Variants in DRC3 observed in about 807,000 individuals in gnomAD.
DRC3 encodes dynein regulatory complex subunit 3.
DRC3 carries 45 observed loss-of-function variants against 57.6 expected under a neutral mutation model. The ratio of observed to expected loss-of-function variants is 0.78; its 90% CI spans 0.62 to 1.00. The LOEUF is 1.00. Among genes scored for constraint, DRC3 ranks in the 50% least tolerant of loss-of-function variants. The pLI is 0.00. For missense variants in DRC3, 655 were observed against 675.2 expected, an observed-to-expected ratio of 0.97 and a Z score of 0.33; for synonymous variants, 257 against 272.3, an observed-to-expected ratio of 0.94 and a Z score of 0.55.
intron 2 of DRC3, chr17:17,977,301 C>G (rs910912884): frequency 8.7e-5 from 35 of 404,526 alleles, no homozygotes; most frequent in African/African-American, 6.9e-4. Flanking sequence ...CTAGGGAGAC[C>G]AGTGTGGACA....
chr17:17,992,764 G>T lies in DRC3; in HGVS notation c.445-1G>T, dbSNP rs1288813025. On this transcript the variant is annotated splice_acceptor_variant, in intron 5 of 13. Coordinates refer to ENST00000399187, the MANE Select transcript of DRC3 (RefSeq NM_031294.4). LOFTEE classifies it high-confidence loss of function. ...GGGCCTTTCTCCCTTTTTCTCCCCA[G>T]ATCATCTACCTCCGGCGGTTCAAGT... 1 of 1,612,574 alleles carries T rather than the reference G, an allele frequency of 6.2e-7. No individual in the cohort carries two copies. The highest frequency in any genetic ancestry group is 8.5e-7 in the Non-Finnish European group (1 of 1,179,384).
Position 17,992,752 on chromosome 17 carries a change from T to A in DRC3, c.445-13T>A. 6.2e-7 allele frequency: 1 copy of A among 1,607,694 alleles called. No homozygotes were observed. Among genetic ancestry groups the A allele is most frequent in the South Asian group, 1.1e-5 (1 of 90,356 alleles). On this transcript the variant is annotated splice_polypyrimidine_tract_variant and intron_variant, in intron 5 of 13. Transcript: ENST00000399187. ...AGCCAAGAAAATGGGCCTTTCTCCC[T>A]TTTTCTCCCCAGATCATCTACCTCC... is the stretch of plus-strand genomic sequence containing the variant.
intron 4 of DRC3, among the ~76,000 whole-genome samples, chr17:17,984,624 A>G (rs544222344): frequency 9.2e-5 from 14 of 152,210 alleles, no homozygotes; most frequent in Middle Eastern, 3.4e-3. Context: ...TTTTAATCCT[A>G]AGAGTTGGGC....
chr17:17,977,674 G>T lies in DRC3; in HGVS notation c.76G>T (p.Gly26Cys). 6.2e-7 allele frequency: 1 copy of T among 1,613,906 alleles called. No homozygotes were observed. The highest frequency in any genetic ancestry group is 8.5e-7 in the Non-Finnish European group (1 of 1,179,854). ...DMLKLAVGDQ[G>C]PQEEAGQLAK... ...GCTCAAGCTGGCCGTCGGGGACCAGGGCCCCCAGGAGGAGGCCGGGCAGCT... is the reference window on the plus strand; with the variant it reads ...GCTCAAGCTGGCCGTCGGGGACCAGTGCCCCCAGGAGGAGGCCGGGCAGCT... Residue 26 changes from glycine to cysteine, a missense_variant, in exon 3 of 14, where the codon GGC (glycine) becomes TGC (cysteine). Gly to Cys is a radical substitution (Grantham distance 159). Transcript: ENST00000399187.
At chr17:18,012,931 C>T (rs1277082670) in intron 12 of DRC3, among the ~76,000 whole-genome samples, 7 of 152,056 alleles carry the variant, frequency 4.6e-5, no homozygotes, top group Non-Finnish European at 7.4e-5. Context: ...TATTAATATC[C>T]AGAATATACA....
At chr17:17,983,631 C>T (rs972624330) in intron 3 of DRC3, among the ~76,000 whole-genome samples, 197 bp from the exon 4 acceptor site, 1 of 152,118 alleles carries the variant, frequency 6.6e-6, no homozygotes, top group Non-Finnish European at 1.5e-5. Context: ...CTCTGGGTGG[C>T]AGTACCGATC....
chr17:17,994,066 G>A (rs1216336094), intron 6 of DRC3: 6 of 472,466 alleles, frequency 1.3e-5, no homozygotes, highest in Middle Eastern at 6.4e-4. Context: ...GCTGCCTTCC[G>A]CTCCTCCTGG....
At chr17:18,015,419 A>G (rs2044322921) in intron 12 of DRC3, 1 of 152,378 alleles carries the variant, frequency 6.6e-6, no homozygotes, top group Admixed American at 6.5e-5. Flanking sequence ...ACTCCATTTC[A>G]ACCATCCCAG....
At chr17:18,002,661 G>A (rs112331475) in intron 9 of DRC3, among the ~76,000 whole-genome samples, 2,427 of 152,206 alleles carry the variant, frequency 0.016, 63 homozygotes, top group African/African-American at 0.056. Context: ...TCCGGTAGCC[G>A]AGCTCCACTG....
At chr17:17,994,173 A>G in intron 6 of DRC3, 126 bp from the exon 7 acceptor site, 1 of 1,292,242 alleles carries the variant, frequency 7.7e-7, no homozygotes, top group South Asian at 1.5e-5. Flanking sequence ...CACAGCCTTC[A>G]TGCAGGCCCC....
At chr17:18,004,213 G>A (rs921538710) in intron 9 of DRC3, 150 bp from the exon 10 acceptor site, 2 of 808,016 alleles carry the variant, frequency 2.5e-6, no homozygotes, top group South Asian at 1.7e-5. Flanking sequence ...GCTTCTACAC[G>A]CTTTCAGAGC....
Position 17,994,436 on chromosome 17 carries a change from T to G in DRC3, c.711+18T>G, listed in dbSNP as rs2043369589. 1 of 1,550,076 alleles carries G rather than the reference T, an allele frequency of 6.5e-7. No individual in the cohort carries two copies. On this transcript the variant is annotated intron_variant, in intron 7 of 13. Transcript: ENST00000399187. ...AGCACAAGGTACCGTTCCGGCAGGC[T>G]GCACGCCCTCGGCCCCCTCAGATGC... is the stretch of plus-strand genomic sequence containing the variant.
chr17:18,000,847 GC>G, intron 9 of DRC3, among the ~76,000 whole-genome samples: 2 of 151,924 alleles, frequency 1.3e-5, no homozygotes. Flanking sequence ...CTTATATTTT[GC>G]CCTTGCCCAC....
At chr17:17,990,376 CT>C (rs1312470131) in intron 5 of DRC3, among the ~76,000 whole-genome samples, 1 of 152,248 alleles carries the variant, frequency 6.6e-6, no homozygotes, top group African/African-American at 2.4e-5. Flanking sequence ...GAATCAGCCC[CT>C]GACCTTGTCT....
chr17:18,016,448 A>C, intron 13 of DRC3, 110 bp from the exon 14 acceptor site: 1 of 838,714 alleles, frequency 1.2e-6, no homozygotes, highest in South Asian at 1.7e-5. Flanking sequence ...GAAGCAAATG[A>C]GGTTTGCAGA....
intron 12 of DRC3, among the ~76,000 whole-genome samples, chr17:18,012,803 G>A (rs1324851877): frequency 6.6e-6 from 1 of 151,866 alleles, no homozygotes; most frequent in African/African-American, 2.4e-5. Context: ...GACAACAAAA[G>A]CAAAAATAAA....
intron 11 of DRC3, 162 bp from the exon 12 acceptor site, chr17:18,006,862 G>A: frequency 8.9e-7 from 1 of 1,120,354 alleles, no homozygotes; most frequent in South Asian, 1.6e-5. Context: ...GGGGCAGGGA[G>A]TCGAGGAAGG....
chr17:17,989,958 T>G lies in DRC3; in HGVS notation c.444+1860T>G, dbSNP rs149444022. 2.6e-5 allele frequency among the ~76,000 whole-genome samples: 4 copies of G among 152,278 alleles called. No homozygotes were observed. The East Asian group carries it at 7.7e-4, about 29-fold the overall frequency. On this transcript the variant is annotated intron_variant, in intron 5 of 13. Coordinates refer to ENST00000399187, the MANE Select transcript of DRC3 (RefSeq NM_031294.4). Reference sequence around the variant, plus strand: ...ACAAGGGCATTTAGTGGCGTGATAATTGGCACTGCAAGGAAGGGGTGCTTA... The same window carrying G: ...ACAAGGGCATTTAGTGGCGTGATAAGTGGCACTGCAAGGAAGGGGTGCTTA...
In DRC3 at chr17:17,994,467, A is replaced by G. The variant is rs1176650146; in HGVS notation, c.711+49A>G. On this transcript the variant is annotated intron_variant, in intron 7 of 13. Transcript: ENST00000399187. ...CCCTCGGCCCCCTCAGATGCCCACA[A>G]GAGGGCACTGATCAAGTAAAACGGT... 28 of 1,542,622 alleles carry G rather than the reference A, an allele frequency of 1.8e-5. No homozygotes were observed. In the East Asian group the frequency reaches 6.1e-4, roughly 34 times the overall value.
Sources: gnomAD v4.1 joint callset for allele counts (sites outside exome capture counted in the v4.1 genomes callset) on GRCh38, gnomAD v4.1.1 for gene constraint, MANE v1.5 for transcripts, NCBI Gene and HGNC (gene_info 2026-07-23, HGNC 2026-07-21) for gene names.